The following MCTP2 variants were observed in gnomAD, a reference collection of about 807,000 sequenced individuals.
MCTP2 encodes the protein multiple C2 and transmembrane domain-containing protein 2.
MCTP2 carries 132 observed loss-of-function variants against 111.6 expected under a neutral mutation model. The observed-to-expected ratio is 1.18, with a 90% CI of 1.03 to 1.37. MCTP2 has a LOEUF of 1.37. Ranked by LOEUF, MCTP2 falls within the 40% of genes most tolerant of loss-of-function variation. The probability of loss-of-function intolerance (pLI) is 0.00; values close to 1 mark genes in which losing one functional copy is unlikely to be tolerated. For missense variants in MCTP2, 1,183 were observed against 1,067.9 expected (o/e 1.11, Z -1.50); for synonymous variants, 395 against 387.7 (o/e 1.02, Z -0.22).
At chr15:94,251,155 T>A (rs1196450502) in intron 1 of MCTP2, among the ~76,000 whole-genome samples, 2 of 152,218 alleles carry the variant, frequency 1.3e-5, no homozygotes, top group Non-Finnish European at 2.9e-5. Flanking sequence ...AGAGCTGCCG[T>A]AGCCACAGTG....
chr15:94,363,858 T>G (rs183200096), intron 10 of MCTP2, among the ~76,000 whole-genome samples: 55 of 152,314 alleles, frequency 3.6e-4, no homozygotes, highest in African/African-American at 1.0e-3. Context: ...TCATATGTGA[T>G]GCCACCGGAA....
At chr15:94,430,577 C>CA (rs11289166) in intron 17 of MCTP2, among the ~76,000 whole-genome samples, 3,753 of 96,612 alleles carry the variant, frequency 0.039, 67 homozygotes, top group Non-Finnish European at 0.046. Flanking sequence ...ACTAAAAATA[C>CA]AAAAAAAAAA....
At chr15:94,243,191 A>G (rs1334184259) in intron 1 of MCTP2, among the ~76,000 whole-genome samples, 1 of 147,876 alleles carries the variant, frequency 6.8e-6, no homozygotes. Context: ...ACGTATGCGT[A>G]TATACGTATG....
intron 8 of MCTP2, among the ~76,000 whole-genome samples, chr15:94,346,697 G>C (rs1190020003): frequency 6.6e-6 from 1 of 152,186 alleles, no homozygotes; most frequent in Non-Finnish European, 1.5e-5. Flanking sequence ...GAACATAAAG[G>C]CTAGAAAGAA....
chr15:94,331,145 C>T (rs1270958138), intron 4 of MCTP2, among the ~76,000 whole-genome samples: 2 of 152,284 alleles, frequency 1.3e-5, no homozygotes, highest in Non-Finnish European at 2.9e-5. Context: ...AATATATTGA[C>T]AGTGTTTTTC....
intron 3 of MCTP2, 50 bp from the exon 4 acceptor site, chr15:94,315,479 T>C (rs2076337450): frequency 7.3e-7 from 1 of 1,361,060 alleles, no homozygotes; most frequent in Admixed American, 1.8e-5. Context: ...TGAAATTCTC[T>C]TGCTTGGGCC....
chr15:94,315,472 A>C, intron 3 of MCTP2, 57 bp from the exon 4 acceptor site: 1 of 1,290,762 alleles, frequency 7.7e-7, no homozygotes, highest in Non-Finnish European at 1.1e-6. Flanking sequence ...GTATTTCTGA[A>C]ATTCTCTTGC....
At chr15:94,371,226 T>C (rs28539618) in intron 12 of MCTP2, among the ~76,000 whole-genome samples, 6,068 of 152,244 alleles carry the variant, frequency 0.04, 420 homozygotes, top group African/African-American at 0.14. Flanking sequence ...AAAAATGGTT[T>C]TTGGGCCAAA....
At chr15:94,245,941 C>T (rs1244772369) in intron 1 of MCTP2, among the ~76,000 whole-genome samples, 1 of 151,962 alleles carries the variant, frequency 6.6e-6, no homozygotes, top group Admixed American at 6.6e-5. Flanking sequence ...TGTCAAGCTT[C>T]ATCTTCATGA....
intron 17 of MCTP2, among the ~76,000 whole-genome samples, chr15:94,433,062 C>T (rs951705337): frequency 4.6e-5 from 7 of 151,270 alleles, no homozygotes; most frequent in African/African-American, 1.7e-4. Flanking sequence ...TCGTGTTATA[C>T]TTAAAGAAAC....
At chr15:94,437,534 CATT>C (rs1225507026) in intron 17 of MCTP2, among the ~76,000 whole-genome samples, 2 of 151,848 alleles carry the variant, frequency 1.3e-5, no homozygotes, top group African/African-American at 4.8e-5. Flanking sequence ...GAGAAATAAT[CATT>C]ATGAAATGTT....
chr15:94,242,821 C>A (rs764279126), intron 1 of MCTP2, among the ~76,000 whole-genome samples: 3 of 150,836 alleles, frequency 2.0e-5, no homozygotes, highest in Admixed American at 6.6e-5. Flanking sequence ...TTAGTGGTTT[C>A]TTGGTAGTTA....
chr15:94,243,919 A>G (rs1415271503), intron 1 of MCTP2, among the ~76,000 whole-genome samples: 1 of 116,976 alleles, frequency 8.5e-6, no homozygotes, highest in African/African-American at 3.1e-5. Flanking sequence ...ATGTGTATAT[A>G]TTTACACATA....
At chr15:94,413,937 A>G (rs1461479122) in intron 17 of MCTP2, among the ~76,000 whole-genome samples, 1 of 152,146 alleles carries the variant, frequency 6.6e-6, no homozygotes, top group Non-Finnish European at 1.5e-5. Flanking sequence ...ATATTCATTT[A>G]TGGTTTTTTA....
At chr15:94,445,872 A>T (rs1396380735) in intron 19 of MCTP2, among the ~76,000 whole-genome samples, 1 of 152,088 alleles carries the variant, frequency 6.6e-6, no homozygotes, top group Non-Finnish European at 1.5e-5. Context: ...TGAAGGTGAC[A>T]CTCTTTAATT....
chr15:94,327,799 T>G (rs2076948166), intron 4 of MCTP2, among the ~76,000 whole-genome samples: 1 of 152,220 alleles, frequency 6.6e-6, no homozygotes, highest in Non-Finnish European at 1.5e-5. Flanking sequence ...CCAACAGTCT[T>G]TAATGTATTC....
chr15:94,414,900 AGATCTGGAC>A (rs1450940743), intron 17 of MCTP2, among the ~76,000 whole-genome samples: 1 of 152,170 alleles, frequency 6.6e-6, no homozygotes, highest in Non-Finnish European at 1.5e-5. Flanking sequence ...TATTTTCCAG[AGATCTGGAC>A]CTACCACCAG....
intron 17 of MCTP2, among the ~76,000 whole-genome samples, chr15:94,410,565 G>A (rs979222943): frequency 6.6e-6 from 1 of 152,032 alleles, no homozygotes; most frequent in Non-Finnish European, 1.5e-5. Context: ...AAAAGAAGAG[G>A]TATTTTATTT....
At chr15:94,319,239 G>A (rs1304599107) in intron 4 of MCTP2, among the ~76,000 whole-genome samples, 1 of 152,196 alleles carries the variant, frequency 6.6e-6, no homozygotes, top group South Asian at 2.1e-4. Context: ...CGGCATTTGA[G>A]TGTCTACTGT....
Sources: gnomAD v4.1 joint callset for allele counts (sites outside exome capture counted in the v4.1 genomes callset) on GRCh38, gnomAD v4.1.1 for gene constraint, MANE v1.5 for transcripts, NCBI Gene and HGNC (gene_info 2026-07-23, HGNC 2026-07-21) for gene names.